Variants in PCDHA8 observed in about 807,000 individuals in gnomAD.
The protein encoded by PCDHA8 is protocadherin alpha-8.
In PCDHA8, 53 loss-of-function variants were observed where a neutral mutation model predicts 61.8. The observed-to-expected ratio is 0.86, with a 90% CI of 0.69 to 1.08. The LOEUF is 1.08. PCDHA8 is among the 50% of genes least tolerant of loss of function. The pLI, the probability that PCDHA8 is intolerant of heterozygous loss-of-function variation, is 0.00. For missense variants in PCDHA8, 1,293 were observed against 1,245.0 expected (o/e 1.04, Z -0.58); for synonymous variants, 618 against 556.6 (o/e 1.11, Z -1.55).
chr5:140,939,894 T>G (rs1554213013), intron 1 of PCDHA8, among the ~76,000 whole-genome samples: 2 of 152,220 alleles, frequency 1.3e-5, no homozygotes, highest in Non-Finnish European at 2.9e-5. Context: ...TGTTCAAATA[T>G]TCTGCATTCT....
chr5:140,993,270 G>A (rs190721014), intron 3 of PCDHA8, among the ~76,000 whole-genome samples: 360 of 151,912 alleles, frequency 2.4e-3, no homozygotes, highest in African/African-American at 8.3e-3. Context: ...AGCTTCTTTG[G>A]TCTTTTCTTG....
Position 140,884,639 on chromosome 5 carries a change from G to A in PCDHA8, c.2394+40924G>A, listed in dbSNP as rs781835096. ...TGCAGAGGGAACAGGCCAGAGGGAG[G>A]AGGACTCAGAATGCTTGAAAGAGGT... On this transcript the variant is annotated intron_variant, in intron 1 of 3. Coordinates refer to ENST00000531613, the MANE Select transcript of PCDHA8 (RefSeq NM_018911.3). 55 of 1,610,606 alleles carry A rather than the reference G, an allele frequency of 3.4e-5. No homozygotes were observed. The South Asian group carries it at 5.6e-4, about 16-fold the overall frequency.
chr5:140,848,535 C>G (rs2150412209), intron 1 of PCDHA8: 2 of 1,595,366 alleles, frequency 1.3e-6, no homozygotes, highest in South Asian at 2.2e-5. Context: ...GGGTCAGCCT[C>G]TACTGCTCTC....
intron 3 of PCDHA8, among the ~76,000 whole-genome samples, chr5:141,005,406 G>C (rs1224420854): frequency 1.3e-5 from 2 of 152,172 alleles, no homozygotes; most frequent in Non-Finnish European, 2.9e-5. Flanking sequence ...GACTTGAAGA[G>C]TGAGGAGTCA....
chr5:141,004,024 C>T (rs1380291199), intron 3 of PCDHA8, among the ~76,000 whole-genome samples: 1 of 152,210 alleles, frequency 6.6e-6, no homozygotes, highest in African/African-American at 2.4e-5. Context: ...AAAGAAGAAA[C>T]ATTTCCTTGA....
intron 3 of PCDHA8, chr5:140,988,797 AT>A (rs1481469131): frequency 2.0e-5 from 3 of 152,116 alleles, no homozygotes; most frequent in African/African-American, 7.2e-5. Context: ...TAATAGAAGA[AT>A]TTCTTCCGTA....
chr5:140,870,936 G>A (rs1554164882), intron 1 of PCDHA8: 5 of 1,613,820 alleles, frequency 3.1e-6, no homozygotes, highest in South Asian at 1.1e-5. Flanking sequence ...ATGAATTGCA[G>A]CCGGCGGCGG....
chr5:140,971,843 G>T (rs1250084892), intron 1 of PCDHA8, among the ~76,000 whole-genome samples: 2 of 151,906 alleles, frequency 1.3e-5, no homozygotes, highest in Non-Finnish European at 2.9e-5. Flanking sequence ...TGCAAGTCAT[G>T]CGTTAAATAT....
At position 140,857,447 on chromosome 5, in the gene PCDHA8, A is replaced by G; in HGVS notation, c.2394+13732A>G. On this transcript the variant is annotated intron_variant, in intron 1 of 3. Transcript: ENST00000531613. ...GTACACGGTGTTCGTGAAGGAGAACAACCCGCCAGGCTGCCACATCTTCAC... is the reference window on the plus strand; with the variant it reads ...GTACACGGTGTTCGTGAAGGAGAACGACCCGCCAGGCTGCCACATCTTCAC... 2 of 1,598,502 alleles carry G rather than the reference A, an allele frequency of 1.3e-6. 1 individual carries two copies. The highest frequency in any genetic ancestry group is 1.7e-6 in the Non-Finnish European group (2 of 1,167,850).
chr5:140,858,256 G>C, intron 1 of PCDHA8: 1 of 1,596,658 alleles, frequency 6.3e-7, no homozygotes, highest in Non-Finnish European at 8.6e-7. Context: ...TGAAGCCCAC[G>C]CTGGTGTGCT....
chr5:140,988,324 C>T (rs2097292768), intron 3 of PCDHA8, among the ~76,000 whole-genome samples: 1 of 152,206 alleles, frequency 6.6e-6, no homozygotes, highest in African/African-American at 2.4e-5. Flanking sequence ...CTTTCTCTAC[C>T]CGAGGAAAGT....
At chr5:140,949,360 T>G (rs1178484553) in intron 1 of PCDHA8, among the ~76,000 whole-genome samples, 1 of 151,868 alleles carries the variant, frequency 6.6e-6, no homozygotes, top group South Asian at 2.1e-4. Context: ...TTTATTTTTT[T>G]GTCTAGTTGT....
In PCDHA8 at chr5:140,841,930, G is replaced by A. The variant is rs149689120; in HGVS notation, c.609G>A (p.Glu203=). 3.7e-6 allele frequency: 6 copies of A among 1,613,908 alleles called. No individual in the cohort carries two copies. In the African/African-American group the frequency reaches 8.0e-5, roughly 22 times the overall value. ...TATTAAGAAAATCCTTGGACAGAGAGGACGCTCCTGCGCACCACTTATTCC... is the reference window on the plus strand; with the variant it reads ...TATTAAGAAAATCCTTGGACAGAGAAGACGCTCCTGCGCACCACTTATTCC... The part of the protein sequence containing the change: ...ELVLRKSLDR[E]DAPAHHLFLT... Residue 203 remains glutamate, a synonymous_variant, in exon 1 of 4, where the codon GAG becomes GAA. Coordinates refer to ENST00000531613, the MANE Select transcript of PCDHA8 (RefSeq NM_018911.3).
At chr5:140,916,270 G>T (rs1487301756) in intron 1 of PCDHA8, among the ~76,000 whole-genome samples, 2 of 152,180 alleles carry the variant, frequency 1.3e-5, no homozygotes, top group Non-Finnish European at 2.9e-5. Context: ...GAGCATGCTT[G>T]TTGCTCTACT....
intron 1 of PCDHA8, chr5:140,856,768 C>T: frequency 6.3e-7 from 1 of 1,596,818 alleles, no homozygotes; most frequent in African/African-American, 1.3e-5. Context: ...ACGCCCCTAT[C>T]TTTGACAGAC....
intron 3 of PCDHA8, among the ~76,000 whole-genome samples, chr5:141,007,590 GATA>G (rs1332143320): frequency 4.0e-5 from 6 of 151,858 alleles, no homozygotes; most frequent in Non-Finnish European, 8.8e-5. Context: ...TAATAATCAT[GATA>G]ATAATAAAAG....
intron 1 of PCDHA8, chr5:140,847,531 C>G (rs1562439566): frequency 6.7e-6 from 1 of 149,400 alleles, no homozygotes. Context: ...GGAAAAGAAT[C>G]TCAAGCATAG....
chr5:140,988,299 G>A (rs2097291981), intron 3 of PCDHA8, among the ~76,000 whole-genome samples: 2 of 152,218 alleles, frequency 1.3e-5, no homozygotes, highest in Non-Finnish European at 2.9e-5. Context: ...GCCCAGGAGT[G>A]CCAGCTTGGC....
intron 1 of PCDHA8, among the ~76,000 whole-genome samples, chr5:140,964,516 C>G (rs1410737676): frequency 6.6e-6 from 1 of 152,006 alleles, no homozygotes; most frequent in African/African-American, 2.4e-5. Flanking sequence ...ACCCAGTGGC[C>G]AGGTCTCTGA....
Sources: gnomAD v4.1 joint callset for allele counts (sites outside exome capture counted in the v4.1 genomes callset) on GRCh38, gnomAD v4.1.1 for gene constraint, MANE v1.5 for transcripts, NCBI Gene and HGNC (gene_info 2026-07-23, HGNC 2026-07-21) for gene names.